BMPR1B: variants seen among roughly 807,000 people sequenced by gnomAD.
BMPR1B encodes the protein bone morphogenetic protein receptor type 1B.
A neutral mutation model predicts 59.1 loss-of-function variants in BMPR1B; 12 were observed. The observed-to-expected ratio is 0.20, with a 90% CI of 0.13 to 0.33. BMPR1B has a LOEUF of 0.33. Among genes scored for constraint, BMPR1B ranks in the 10% least tolerant of loss-of-function variants. The probability of loss-of-function intolerance (pLI) is 1.00; values close to 1 mark genes in which losing one functional copy is unlikely to be tolerated. For missense variants in BMPR1B, 550 were observed against 610.9 expected (o/e 0.90, Z 1.05); for synonymous variants, 237 against 207.3 (o/e 1.14, Z -1.23).
intron 3 of BMPR1B, among the ~76,000 whole-genome samples, chr4:95,049,800 A>T (rs774359584): frequency 8.6e-5 from 13 of 151,628 alleles, no homozygotes; most frequent in Non-Finnish European, 1.6e-4. Context: ...AAAATGTCTT[A>T]CATTTTTTCT....
intron 1 of BMPR1B, among the ~76,000 whole-genome samples, chr4:94,824,191 AT>A (rs1724305452): frequency 6.6e-6 from 1 of 152,228 alleles, no homozygotes; most frequent in South Asian, 2.1e-4. Flanking sequence ...TGATGCACGA[AT>A]TTACCACTTA....
chr4:95,148,106 A>T (rs1734774451), intron 10 of BMPR1B, among the ~76,000 whole-genome samples: 1 of 152,178 alleles, frequency 6.6e-6, no homozygotes, highest in Admixed American at 6.6e-5. Context: ...GCTTTTTTAT[A>T]TGTCCCACCT....
At chr4:94,789,265 T>A (rs1044872085) in intron 1 of BMPR1B, among the ~76,000 whole-genome samples, 2 of 152,212 alleles carry the variant, frequency 1.3e-5, no homozygotes, top group Non-Finnish European at 2.9e-5. Context: ...CTTTACAATT[T>A]GCTTTAAACG....
At chr4:95,067,073 T>C (rs1460692629) in intron 3 of BMPR1B, among the ~76,000 whole-genome samples, 1 of 152,220 alleles carries the variant, frequency 6.6e-6, no homozygotes, top group African/African-American at 2.4e-5. Context: ...TTTCTTTTAA[T>C]TGAGAGAGTT....
At chr4:94,887,144 C>G (rs1181112493) in intron 2 of BMPR1B, among the ~76,000 whole-genome samples, 1 of 151,476 alleles carries the variant, frequency 6.6e-6, no homozygotes, top group Non-Finnish European at 1.5e-5. Flanking sequence ...GAACCACAAA[C>G]TTGGAGGACT....
chr4:95,063,160 A>C (rs1727530872), intron 3 of BMPR1B, among the ~76,000 whole-genome samples: 1 of 152,088 alleles, frequency 6.6e-6, no homozygotes. Context: ...GGGGTAAAAA[A>C]GAAAGTGGCA....
At position 95,140,022 on chromosome 4, in the gene BMPR1B, G is replaced by A. The variant is rs995362793; in HGVS notation, c.1076+8510G>A. Reference sequence around the variant, plus strand: ...CTCATCTTCTGCGTCGCTCATGGTGGGAGCTATAGACTGGAGCTGTTCCTA... The same window carrying A: ...CTCATCTTCTGCGTCGCTCATGGTGAGAGCTATAGACTGGAGCTGTTCCTA... On this transcript the variant is annotated intron_variant, in intron 10 of 12. Coordinates refer to ENST00000515059, the MANE Select transcript of BMPR1B (RefSeq NM_001203.3). Among the ~76,000 whole-genome samples the A allele has an allele frequency of 2.1e-4, 32 of 152,282 alleles. No individual in the cohort carries two copies. The South Asian group carries it at 3.1e-3, about 15-fold the overall frequency.
intron 8 of BMPR1B, among the ~76,000 whole-genome samples, chr4:95,126,466 C>T (rs1326025864): frequency 1.3e-5 from 2 of 152,154 alleles, no homozygotes; most frequent in Non-Finnish European, 1.5e-5. Flanking sequence ...GCCTTTAAAA[C>T]TAAATCAAAT....
chr4:94,779,955 T>A (rs145034891), intron 1 of BMPR1B, among the ~76,000 whole-genome samples: 1,686 of 152,290 alleles, frequency 0.011, 24 homozygotes, highest in African/African-American at 0.038. Flanking sequence ...ATCGTAAAAG[T>A]TCCCCCCCTT....
chr4:95,060,378 A>C (rs1425491851), intron 3 of BMPR1B, among the ~76,000 whole-genome samples: 1 of 152,214 alleles, frequency 6.6e-6, no homozygotes, highest in Non-Finnish European at 1.5e-5. Flanking sequence ...ACTTACCCAT[A>C]TACCCAGTTT....
intron 3 of BMPR1B, among the ~76,000 whole-genome samples, chr4:95,080,142 A>G (rs533592738): frequency 2.4e-4 from 36 of 152,316 alleles, no homozygotes; most frequent in African/African-American, 8.7e-4. Context: ...TCTTTTTAAA[A>G]CAAATCATCT....
intron 2 of BMPR1B, among the ~76,000 whole-genome samples, chr4:94,952,510 G>A (rs193044332): frequency 1.1e-3 from 169 of 152,138 alleles, no homozygotes; most frequent in Non-Finnish European, 1.3e-3. Flanking sequence ...CCTTAATTTC[G>A]TTAGTTACCT....
At chr4:94,921,715 G>A (rs1318602830) in intron 2 of BMPR1B, among the ~76,000 whole-genome samples, 2 of 152,132 alleles carry the variant, frequency 1.3e-5, no homozygotes, top group Non-Finnish European at 2.9e-5. Flanking sequence ...AATTCAAAAT[G>A]AGATTTGGTG....
intron 3 of BMPR1B, 196 bp from the exon 4 acceptor site, chr4:95,104,208 GTCTT>G (rs1261429385): frequency 9.8e-6 from 6 of 609,580 alleles, no homozygotes; most frequent in Admixed American, 3.0e-5. Flanking sequence ...AGGATTATGG[GTCTT>G]TCTTTATTCT....
chr4:94,841,732 G>T (rs1282196085), intron 1 of BMPR1B, among the ~76,000 whole-genome samples: 3 of 152,156 alleles, frequency 2.0e-5, no homozygotes, highest in Admixed American at 2.0e-4. Flanking sequence ...CGTTGCTCAC[G>T]CTGGGAGCTG....
At chr4:94,956,126 T>TC (rs1730133134) in intron 2 of BMPR1B, among the ~76,000 whole-genome samples, 1 of 152,230 alleles carries the variant, frequency 6.6e-6, no homozygotes, top group Non-Finnish European at 1.5e-5. Flanking sequence ...AAATTATAGT[T>TC]CATCAGTAGT....
At chr4:95,061,517 T>G (rs1727392572) in intron 3 of BMPR1B, among the ~76,000 whole-genome samples, 1 of 152,142 alleles carries the variant, frequency 6.6e-6, no homozygotes, top group Non-Finnish European at 1.5e-5. Flanking sequence ...AACAAACATG[T>G]GTACAACCTA....
chr4:94,824,818 A>G (rs958949850), intron 1 of BMPR1B, among the ~76,000 whole-genome samples: 1 of 152,172 alleles, frequency 6.6e-6, no homozygotes, highest in Non-Finnish European at 1.5e-5. Context: ...TAAAAATGTA[A>G]TGAAAGTTAT....
chr4:95,014,662 A>T (rs1327581548), intron 3 of BMPR1B, among the ~76,000 whole-genome samples: 1 of 152,198 alleles, frequency 6.6e-6, no homozygotes, highest in Non-Finnish European at 1.5e-5. Flanking sequence ...ATAATATCAG[A>T]ATTCTAAAAG....
Sources: allele counts gnomAD v4.1 joint callset (sites outside exome capture counted in the v4.1 genomes callset), GRCh38; gene constraint gnomAD v4.1.1; transcripts MANE v1.5; gene names NCBI Gene and HGNC (gene_info 2026-07-23, HGNC 2026-07-21).